Variants in ZPBP observed in about 807,000 individuals in gnomAD.
ZPBP encodes the protein zona pellucida binding protein, also known as zona pellucida-binding protein 1.
In ZPBP, 26 loss-of-function variants were observed where a neutral mutation model predicts 44.8. The ratio of observed to expected loss-of-function variants is 0.58; its 90% CI spans 0.43 to 0.81. ZPBP has a LOEUF of 0.81. Ranked by LOEUF, ZPBP falls within the 30% of genes least tolerant of loss-of-function variation. The pLI, the probability that ZPBP is intolerant of heterozygous loss-of-function variation, is 0.00. For missense variants in ZPBP, 409 were observed against 434.0 expected (o/e 0.94, Z 0.51); for synonymous variants, 174 against 153.2 (o/e 1.14, Z -1.00).
intron 1 of ZPBP, among the ~76,000 whole-genome samples, chr7:49,924,829 C>T (rs1371843219): frequency 6.6e-6 from 1 of 152,182 alleles, no homozygotes; most frequent in African/African-American, 2.4e-5. Flanking sequence ...CCAAGGACTT[C>T]AGGATTTGAG....
intron 3 of ZPBP, among the ~76,000 whole-genome samples, chr7:50,063,738 T>G (rs752972387): frequency 1.3e-5 from 2 of 152,240 alleles, no homozygotes; most frequent in Non-Finnish European, 2.9e-5. Context: ...GTTGGTTAAA[T>G]TAAATTTTTC....
At chr7:49,956,939 G>T (rs1253278987) in intron 7 of ZPBP, among the ~76,000 whole-genome samples, 1 of 152,180 alleles carries the variant, frequency 6.6e-6, no homozygotes, top group Non-Finnish European at 1.5e-5. Flanking sequence ...TTGAATGTTT[G>T]TCCCTTCCAA....
At chr7:50,003,197 C>T (rs56409640) in intron 6 of ZPBP, among the ~76,000 whole-genome samples, 28,293 of 152,034 alleles carry the variant, frequency 0.19, 3,674 homozygotes, top group East Asian at 0.62. Context: ...AAAAATTCCA[C>T]GTGAAGTAAC....
chr7:50,053,468 C>A (rs979172573), intron 4 of ZPBP, among the ~76,000 whole-genome samples: 1 of 152,190 alleles, frequency 6.6e-6, no homozygotes, highest in African/African-American at 2.4e-5. Context: ...TCAACCACTT[C>A]TGTTCTTGTG....
intron 2 of ZPBP, among the ~76,000 whole-genome samples, chr7:49,872,972 A>T (rs184911301): frequency 1.6e-4 from 24 of 151,290 alleles, no homozygotes; most frequent in African/African-American, 5.8e-4. Flanking sequence ...ATCCAAATAA[A>T]TAATTCTCTA....
rs1562820208 is a variant in ZPBP at position 49,981,615 on chromosome 7, T to TA, written c.961+1726dup. ...TATAATTATATAAATTATATAATTA[T>TA]ATTATATTATATTATATTATATATT... On this transcript the variant is annotated intron_variant, in intron 7 of 7. Coordinates refer to ENST00000046087, the MANE Select transcript of ZPBP (RefSeq NM_007009.3). Among the ~76,000 whole-genome samples the TA allele has an allele frequency of 8.3e-3, 221 of 26,496 alleles. 31 individuals are homozygous for TA. The highest frequency in any genetic ancestry group is 0.013 in the African/African-American group (58 of 4,440). The allele number at this position is 26,496 out of a possible 152,430, so 17.4% of individuals were successfully genotyped here. A position where few individuals can be genotyped will look rare whatever the true frequency, so the allele number is the denominator to read the frequency against.
At chr7:49,890,973 A>T (rs1036194906) in intron 2 of ZPBP, among the ~76,000 whole-genome samples, 26 of 152,206 alleles carry the variant, frequency 1.7e-4, no homozygotes, top group Admixed American at 2.6e-4. Context: ...GGAACAAAAA[A>T]AGATGGGCTA....
rs1473890717 is a variant in ZPBP at position 49,981,637 on chromosome 7, T to TA, written c.961+1704dup. 2.4e-3 allele frequency among the ~76,000 whole-genome samples: 208 copies of TA among 87,888 alleles called. 35 individuals are homozygous for TA. The highest frequency in any genetic ancestry group is 4.0e-3 in the Admixed American group (20 of 4,992). 57.7% of individuals were successfully genotyped at this position (87,888 alleles called of 152,430 possible). ...TTATATTATATTATATTATATTATATATTATATAATATCTTGATATAAAAT... is the reference window on the plus strand; with the variant it reads ...TTATATTATATTATATTATATTATATAATTATATAATATCTTGATATAAAAT... On this transcript the variant is annotated intron_variant, in intron 7 of 7. Coordinates refer to ENST00000046087, the MANE Select transcript of ZPBP (RefSeq NM_007009.3).
rs72603410 is a variant in ZPBP at position 50,005,037 on chromosome 7, T to A, written c.783+13203A>T. Among the ~76,000 whole-genome samples the A allele has an allele frequency of 7.5e-3, 791 of 105,730 alleles. 4 individuals are homozygous for A. The highest frequency in any genetic ancestry group is 9.8e-3 in the Middle Eastern group (2 of 204). 69.4% of individuals were successfully genotyped at this position (105,730 alleles called of 152,430 possible). ...GTCAAAGAAAACAACTGAATCATTT[T>A]AAAAAAAAAAAAGGCAAGAGAAACT... On this transcript the variant is annotated intron_variant, in intron 6 of 7. Transcript: ENST00000046087.
chr7:49,851,466 G>A (rs931223760), intron 2 of ZPBP, among the ~76,000 whole-genome samples: 4 of 152,180 alleles, frequency 2.6e-5, no homozygotes, highest in Non-Finnish European at 5.9e-5. Context: ...CACTTGCTTA[G>A]CGCAATGTTA....
chr7:49,963,133 C>A (rs1795923573), intron 7 of ZPBP, among the ~76,000 whole-genome samples: 1 of 150,138 alleles, frequency 6.7e-6, no homozygotes, highest in Non-Finnish European at 1.5e-5. Context: ...TTATTAAGTG[C>A]AAATTAATAA....
rs188606954 is a variant in ZPBP, at chr7:49,906,572, G to A, written n.412-5357C>T. Among the ~76,000 whole-genome samples, 460 of 152,204 alleles carry A rather than the reference G, an allele frequency of 3.0e-3. 4 individuals are homozygous for A. The highest frequency in any genetic ancestry group is 3.6e-3 in the Non-Finnish European group (244 of 68,018). On this transcript the variant is annotated intron_variant and non_coding_transcript_variant, in intron 1 of 2. Coordinates refer to the ZPBP transcript ENST00000465922. ...AGGATGGTCTTGATCTCCTGACCTC[G>A]TGATCCACCCACCTTGGCCTCACAA...
At chr7:49,869,944 G>A (rs904581935) in intron 2 of ZPBP, among the ~76,000 whole-genome samples, 1 of 152,118 alleles carries the variant, frequency 6.6e-6, no homozygotes, top group Non-Finnish European at 1.5e-5. Context: ...TATAGAAGAT[G>A]TGGTTGTCTC....
At chr7:49,998,842 G>T (rs1797974764) in intron 6 of ZPBP, among the ~76,000 whole-genome samples, 1 of 152,008 alleles carries the variant, frequency 6.6e-6, no homozygotes, top group Admixed American at 6.6e-5. Flanking sequence ...AACAGTATTA[G>T]TTGGGGTTCT....
At chr7:49,869,185 A>G (rs960179194) in intron 2 of ZPBP, among the ~76,000 whole-genome samples, 3 of 152,192 alleles carry the variant, frequency 2.0e-5, no homozygotes, top group African/African-American at 4.8e-5. Flanking sequence ...TGAATAAAAC[A>G]TGGTATCCTA....
intron 3 of ZPBP, among the ~76,000 whole-genome samples, chr7:50,071,157 G>A (rs1801815392): frequency 6.6e-6 from 1 of 152,090 alleles, no homozygotes; most frequent in South Asian, 2.1e-4. Flanking sequence ...CCAACCCCAT[G>A]CCCCACAGTG....
intron 4 of ZPBP, among the ~76,000 whole-genome samples, chr7:50,050,245 A>C (rs1228587091): frequency 6.6e-6 from 1 of 152,066 alleles, no homozygotes; most frequent in Non-Finnish European, 1.5e-5. Context: ...GATGCACATA[A>C]GAATATTCAA....
chr7:49,880,709 C>T (rs897371099), intron 2 of ZPBP, among the ~76,000 whole-genome samples: 5 of 151,972 alleles, frequency 3.3e-5, no homozygotes, highest in African/African-American at 1.2e-4. Context: ...GAAGGGATAG[C>T]ATTAGGAGAT....
At chr7:49,856,832 AC>A (rs1269632375) in intron 2 of ZPBP, among the ~76,000 whole-genome samples, 2 of 151,734 alleles carry the variant, frequency 1.3e-5, no homozygotes, top group Non-Finnish European at 2.9e-5. Flanking sequence ...ACACGGTGAA[AC>A]CCCATCTCTA....
Sources: gnomAD v4.1 joint callset for allele counts (sites outside exome capture counted in the v4.1 genomes callset) on GRCh38, gnomAD v4.1.1 for gene constraint, MANE v1.5 for transcripts, NCBI Gene and HGNC (gene_info 2026-07-23, HGNC 2026-07-21) for gene names.